Variants in EDIL3 observed in about 807,000 individuals in gnomAD.
The protein encoded by EDIL3 is EGF-like repeat and discoidin I-like domain-containing protein 3.
In EDIL3, 37 loss-of-function variants were observed where a neutral mutation model predicts 67.4. The ratio of observed to expected loss-of-function variants is 0.55; its 90% confidence interval spans 0.42 to 0.72. The LOEUF (loss-of-function observed/expected upper bound fraction) is 0.72, where lower values mean the gene tolerates loss of function less well. Among genes scored for constraint, EDIL3 ranks in the 30% least tolerant of loss-of-function variants. EDIL3 has a pLI of 0.00. For missense variants in EDIL3, 527 were observed against 586.3 expected, an observed-to-expected ratio of 0.90 and a Z score of 1.04; for synonymous variants, 195 against 196.3, an observed-to-expected ratio of 0.99 and a Z score of 0.05.
chr5:84,312,554 G>A (rs1017380490), intron 1 of EDIL3, among the ~76,000 whole-genome samples: 14 of 141,128 alleles, frequency 9.9e-5, no homozygotes, highest in East Asian at 4.3e-4. Flanking sequence ...CTGGCCTGGC[G>A]GGGGGCTGAC....
chr5:84,075,748 T>G lies in EDIL3; in HGVS notation c.652-9142A>C, dbSNP rs182574418. 5.7e-3 allele frequency among the ~76,000 whole-genome samples: 870 copies of G among 152,160 alleles called. 9 individuals carry two copies. Among genetic ancestry groups the G allele is most frequent in the African/African-American group, 0.019 (806 of 41,534 alleles). ...TCTCGGCCTCCCAGAGTGCTGGGAT[T>G]ACAGGTGTGAGCCACTGTGCCCGGC... is the stretch of plus-strand genomic sequence containing the variant. On this transcript the variant is annotated intron_variant, in intron 6 of 10. Coordinates refer to ENST00000296591, the MANE Select transcript of EDIL3 (RefSeq NM_005711.5).
intron 9 of EDIL3, among the ~76,000 whole-genome samples, chr5:84,037,596 T>C (rs2112209735): frequency 6.6e-6 from 1 of 152,330 alleles, no homozygotes; most frequent in African/African-American, 2.4e-5. Flanking sequence ...AAACAAAGAA[T>C]AAAACTTCCT....
chr5:83,954,857 T>C (rs1188794380), intron 10 of EDIL3, among the ~76,000 whole-genome samples: 1 of 151,842 alleles, frequency 6.6e-6, no homozygotes, highest in African/African-American at 2.4e-5. Context: ...TTCAAAATGC[T>C]AATTTTCTCT....
intron 3 of EDIL3, among the ~76,000 whole-genome samples, chr5:84,207,134 T>C (rs1414475822): frequency 6.6e-6 from 1 of 152,196 alleles, no homozygotes; most frequent in Non-Finnish European, 1.5e-5. Flanking sequence ...CATGATTGTA[T>C]ATCCAGAAAA....
At chr5:84,062,534 C>G (rs766700430) in intron 8 of EDIL3, among the ~76,000 whole-genome samples, 1 of 152,000 alleles carries the variant, frequency 6.6e-6, no homozygotes, top group East Asian at 1.9e-4. Context: ...CTCAGAATTG[C>G]CAAATTATTG....
chr5:83,979,140 T>G (rs1422392237), intron 9 of EDIL3, among the ~76,000 whole-genome samples: 1 of 152,066 alleles, frequency 6.6e-6, no homozygotes, highest in Non-Finnish European at 1.5e-5. Flanking sequence ...CTGAAACTCT[T>G]TGTAGGATGA....
At chr5:84,061,998 C>T (rs1189841313) in intron 8 of EDIL3, among the ~76,000 whole-genome samples, 1 of 152,016 alleles carries the variant, frequency 6.6e-6, no homozygotes, top group Non-Finnish European at 1.5e-5. Flanking sequence ...CTTCTTGAGG[C>T]TCCCCATATT....
intron 4 of EDIL3, among the ~76,000 whole-genome samples, chr5:84,141,922 TAC>T (rs200286199): frequency 2.9e-3 from 258 of 87,704 alleles, no homozygotes; most frequent in African/African-American, 0.011. Context: ...TATATATATA[TAC>T]ACATATATAT....
At chr5:84,167,191 C>T (rs1440223828) in intron 4 of EDIL3, among the ~76,000 whole-genome samples, 1 of 151,946 alleles carries the variant, frequency 6.6e-6, no homozygotes, top group Non-Finnish European at 1.5e-5. Flanking sequence ...ATAATGCTGC[C>T]TTAGGAAGAA....
intron 9 of EDIL3, among the ~76,000 whole-genome samples, chr5:84,019,196 C>A (rs928944710): frequency 1.7e-4 from 26 of 152,094 alleles, no homozygotes; most frequent in South Asian, 4.1e-4. Flanking sequence ...ACATATACAC[C>A]ATGGAATACT....
chr5:83,986,694 G>A (rs760703251), intron 9 of EDIL3, among the ~76,000 whole-genome samples: 12 of 152,048 alleles, frequency 7.9e-5, no homozygotes, highest in Non-Finnish European at 1.6e-4. Context: ...CCCTGCAGGC[G>A]TAAGAACAAA....
chr5:84,213,825 T>C (rs1348026185), intron 3 of EDIL3, among the ~76,000 whole-genome samples: 1 of 152,208 alleles, frequency 6.6e-6, no homozygotes, highest in Non-Finnish European at 1.5e-5. Context: ...TCTGTCCACG[T>C]AATCTTGAAA....
At chr5:84,204,919 G>A (rs1168953305) in intron 3 of EDIL3, among the ~76,000 whole-genome samples, 1 of 151,304 alleles carries the variant, frequency 6.6e-6, no homozygotes, top group Non-Finnish European at 1.5e-5. Context: ...TAACGCTTTT[G>A]TGTGTGTTTC....
At chr5:84,381,998 T>C (rs1347977591) in intron 1 of EDIL3, among the ~76,000 whole-genome samples, 1 of 152,234 alleles carries the variant, frequency 6.6e-6, no homozygotes, top group Non-Finnish European at 1.5e-5. Flanking sequence ...AGGAAAATTC[T>C]GTGTTAGCAC....
chr5:84,046,652 T>C (rs1746229357), intron 9 of EDIL3, among the ~76,000 whole-genome samples: 1 of 152,190 alleles, frequency 6.6e-6, no homozygotes, highest in South Asian at 2.1e-4. Flanking sequence ...GAAACAGTAT[T>C]CCCAAGTTCT....
intron 9 of EDIL3, among the ~76,000 whole-genome samples, chr5:84,011,821 G>A (rs1745521952): frequency 6.6e-6 from 1 of 152,064 alleles, no homozygotes; most frequent in African/African-American, 2.4e-5. Context: ...TCTTTAGAGA[G>A]GTGGCCCCTC....
chr5:84,141,928 T>TATATATATATATATATATACAC (rs1748200333), intron 4 of EDIL3, among the ~76,000 whole-genome samples: 2 of 121,308 alleles, frequency 1.6e-5, no homozygotes, highest in African/African-American at 3.5e-5. Context: ...TATATACACA[T>TATATATATATATATATATACAC]ATATATATAT....
intron 3 of EDIL3, among the ~76,000 whole-genome samples, chr5:84,190,559 G>A (rs1171146400): frequency 3.4e-5 from 2 of 59,410 alleles, no homozygotes. Context: ...ATATGTGTGT[G>A]TGTGTGTGTG....
At chr5:84,228,884 T>C (rs1052385808) in intron 3 of EDIL3, among the ~76,000 whole-genome samples, 2 of 152,074 alleles carry the variant, frequency 1.3e-5, no homozygotes, top group South Asian at 2.1e-4. Context: ...ACTGGGCTAC[T>C]TTCCCTCCTT....
Sources: gnomAD v4.1 joint callset for allele counts (sites outside exome capture counted in the v4.1 genomes callset) on GRCh38, gnomAD v4.1.1 for gene constraint, MANE v1.5 for transcripts, NCBI Gene and HGNC (gene_info 2026-07-23, HGNC 2026-07-21) for gene names.